Variants in FBLN7 observed in about 807,000 individuals in gnomAD.
The protein encoded by FBLN7 is fibulin 7, also known as fibulin-7.
A neutral mutation model predicts 44.0 loss-of-function variants in FBLN7; 31 were observed. That is an observed-to-expected ratio of 0.70 (90% CI 0.53 to 0.95). The LOEUF (loss-of-function observed/expected upper bound fraction) is 0.95, where lower values mean the gene tolerates loss of function less well. Ranked by LOEUF, FBLN7 falls within the 40% of genes least tolerant of loss-of-function variation. The pLI, the probability that FBLN7 is intolerant of heterozygous loss-of-function variation, is 0.00. For missense variants in FBLN7, 573 were observed against 618.5 expected, an observed-to-expected ratio of 0.93 and a Z score of 0.78; for synonymous variants, 262 against 253.4, an observed-to-expected ratio of 1.03 and a Z score of -0.32.
chr2:112,192,452 ATCAG>A (rs914822797), downstream of FBLN7, among the ~76,000 whole-genome samples: 1 of 152,188 alleles, frequency 6.6e-6, no homozygotes, highest in African/African-American at 2.4e-5. Context: ...GTATCTGGGT[ATCAG>A]TCAGCTGCCA....
At chr2:112,225,614 C>T in the FBLN7 span, among the ~76,000 whole-genome samples, 2 of 152,244 alleles carry the variant, frequency 1.3e-5, no homozygotes, top group East Asian at 3.9e-4. Flanking sequence ...GTCAGGAGTT[C>T]GAGACCAGCG....
At chr2:112,221,812 T>A in the FBLN7 span, among the ~76,000 whole-genome samples, 1 of 152,182 alleles carries the variant, frequency 6.6e-6, no homozygotes, top group Admixed American at 6.5e-5. Flanking sequence ...GACTATCTCC[T>A]GTATGTCATT....
chr2:112,181,735 G>A lies in FBLN7; in HGVS notation c.533-4G>A. Reference sequence around the variant, plus strand: ...CCGGCACTGAGCGTGTCTTCTCCCCGCAGCCGCCCCCGAGGGCAGCGTGGC... The same window carrying A: ...CCGGCACTGAGCGTGTCTTCTCCCCACAGCCGCCCCCGAGGGCAGCGTGGC... On this transcript the variant is annotated splice_polypyrimidine_tract_variant and splice_region_variant and intron_variant, in intron 4 of 7. Coordinates refer to ENST00000331203, the MANE Select transcript of FBLN7 (RefSeq NM_153214.3). 7.2e-7 allele frequency: 1 copy of A among 1,379,588 alleles called. No individual in the cohort carries two copies. Among genetic ancestry groups the A allele is most frequent in the Non-Finnish European group, 9.3e-7 (1 of 1,074,562 alleles). 85.5% of individuals were successfully genotyped at this position (1,379,588 alleles called of 1,614,324 possible).
At chr2:112,184,789 A>G (rs1175354111) in intron 6 of FBLN7, among the ~76,000 whole-genome samples, 1 of 135,742 alleles carries the variant, frequency 7.4e-6, no homozygotes, top group Non-Finnish European at 1.6e-5. Context: ...TGGTGTGTGT[A>G]TATATATACC....
At chr2:112,207,568 T>A in the FBLN7 span, among the ~76,000 whole-genome samples, 1 of 152,206 alleles carries the variant, frequency 6.6e-6, no homozygotes, top group East Asian at 1.9e-4. Flanking sequence ...AGTTCTTCTA[T>A]ATATTTGTTC....
At position 112,187,678 on chromosome 2, in the gene FBLN7, AG is replaced by A. The variant is rs1206692162; in HGVS notation, c.*173del. On this transcript the variant is annotated 3_prime_UTR_variant, in exon 8 of 8. Coordinates refer to ENST00000331203, the MANE Select transcript of FBLN7 (RefSeq NM_153214.3). The surrounding 1 kb of genome is among the most constrained non-coding windows in gnomAD (Gnocchi z 5.1). Reference sequence around the variant, plus strand: ...GCCCCATGGAATAGCACGGAAGAGCAGCCACAAAACTCAACTGCTGCCATCA... The same window carrying A: ...GCCCCATGGAATAGCACGGAAGAGCACCACAAAACTCAACTGCTGCCATCA... The A allele has an allele frequency of 1.2e-6, 1 of 830,330 alleles. No individual in the cohort carries two copies. Among genetic ancestry groups the A allele is most frequent in the Non-Finnish European group, 1.8e-6 (1 of 542,572 alleles). 51.4% of individuals were successfully genotyped at this position (830,330 alleles called of 1,614,324 possible). A position where few individuals can be genotyped will look rare whatever the true frequency, so the allele number is the denominator to read the frequency against.
chr2:112,216,683 C>CAAAAA, the FBLN7 span, among the ~76,000 whole-genome samples: 5 of 121,028 alleles, frequency 4.1e-5, no homozygotes, highest in East Asian at 2.3e-4. Context: ...AGAACTGAAG[C>CAAAAA]AAAAAAAAAA....
intron 1 of FBLN7, among the ~76,000 whole-genome samples, chr2:112,150,136 A>T (rs1265917176): frequency 2.0e-5 from 3 of 152,136 alleles, no homozygotes; most frequent in Non-Finnish European, 4.4e-5. Flanking sequence ...TCTGCTGGAG[A>T]TTAGTTCCCT....
the FBLN7 span, among the ~76,000 whole-genome samples, chr2:112,205,049 G>C: frequency 6.6e-6 from 1 of 151,842 alleles, no homozygotes; most frequent in Non-Finnish European, 1.5e-5. Flanking sequence ...TACAAAAGAG[G>C]GAAAAGGGAA....
At chr2:112,158,418 T>C (rs987681684) in intron 1 of FBLN7, among the ~76,000 whole-genome samples, 24 of 151,806 alleles carry the variant, frequency 1.6e-4, no homozygotes, top group African/African-American at 5.3e-4. Context: ...AATTTTTTTG[T>C]TTTTAATTAT....
At chr2:112,152,363 T>C (rs549601922) in intron 1 of FBLN7, 111 of 152,412 alleles carry the variant, frequency 7.3e-4, no homozygotes, top group African/African-American at 2.4e-3. Context: ...CCTGTGGCTG[T>C]TTTAAAAACC....
chr2:112,242,526 AT>A, the FBLN7 span, among the ~76,000 whole-genome samples: 2 of 152,046 alleles, frequency 1.3e-5, no homozygotes, highest in Non-Finnish European at 2.9e-5. Context: ...ATGCTATTTA[AT>A]TTTTTTTCCA....
intron 1 of FBLN7, among the ~76,000 whole-genome samples, chr2:112,153,774 G>T (rs1027143437): frequency 6.6e-6 from 1 of 152,234 alleles, no homozygotes; most frequent in Admixed American, 6.5e-5. Flanking sequence ...GTGGTAGTTG[G>T]TTCTCAGAGG....
At chr2:112,201,696 A>G in the FBLN7 span, among the ~76,000 whole-genome samples, 1 of 152,226 alleles carries the variant, frequency 6.6e-6, no homozygotes, top group East Asian at 1.9e-4. Context: ...AATCCTTCAC[A>G]GCTACACAAG....
chr2:112,146,714 AG>A (rs1211281752), intron 1 of FBLN7, among the ~76,000 whole-genome samples: 3 of 152,006 alleles, frequency 2.0e-5, no homozygotes, highest in Admixed American at 2.0e-4. Flanking sequence ...ATACATTTCC[AG>A]GGGTTTTTTT....
At chr2:112,170,330 C>A (rs1460722038) in intron 3 of FBLN7, among the ~76,000 whole-genome samples, 1 of 150,984 alleles carries the variant, frequency 6.6e-6, no homozygotes, top group Non-Finnish European at 1.5e-5. Context: ...AGTTCGAGAC[C>A]AGCCTGGCCA....
At chr2:112,184,493 G>A (rs981339465) in intron 6 of FBLN7, among the ~76,000 whole-genome samples, 1 of 152,026 alleles carries the variant, frequency 6.6e-6, no homozygotes, top group Admixed American at 6.5e-5. Flanking sequence ...TGGGAGGGAC[G>A]GCCTCCAGCT....
chr2:112,244,656 T>C, the FBLN7 span, among the ~76,000 whole-genome samples: 1 of 152,230 alleles, frequency 6.6e-6, no homozygotes, highest in Non-Finnish European at 1.5e-5. Context: ...ACTCTGTGTC[T>C]CTGTGTCACA....
chr2:112,151,975 C>G (rs1216977114), intron 1 of FBLN7: 1 of 152,186 alleles, frequency 6.6e-6, no homozygotes. Context: ...GTAAGATGAG[C>G]AAGAGATTGT....
Sources: allele counts gnomAD v4.1 joint callset (sites outside exome capture counted in the v4.1 genomes callset), GRCh38; gene constraint gnomAD v4.1.1; non-coding constraint Gnocchi (gnomAD v3.1); transcripts MANE v1.5; gene names NCBI Gene and HGNC (gene_info 2026-07-23, HGNC 2026-07-21).